Variants in IFT43 observed in about 807,000 individuals in gnomAD.
IFT43 encodes the protein intraflagellar transport 43.
Under a neutral mutation model 32.3 loss-of-function variants are expected in IFT43, and 33 were observed. The ratio of observed to expected loss-of-function variants is 1.02; its 90% CI spans 0.77 to 1.37. The LOEUF (loss-of-function observed/expected upper bound fraction) is 1.37, where lower values mean the gene tolerates loss of function less well. IFT43 is among the 40% of genes most tolerant of loss of function. The pLI, the probability that IFT43 is intolerant of heterozygous loss-of-function variation, is 0.00. For synonymous variants in IFT43, 93 were observed against 98.2 expected (o/e 0.95, Z 0.31); for missense variants, 274 against 265.9 (o/e 1.03, Z -0.21).
Position 76,064,127 on chromosome 14 carries a change from T to C in IFT43, c.295+4754T>C, listed in dbSNP as rs568923771. 2.0e-5 allele frequency among the ~76,000 whole-genome samples: 3 copies of C among 152,310 alleles called. No homozygotes were observed. The East Asian group carries it at 5.8e-4, about 29-fold the overall frequency. On this transcript the variant is annotated intron_variant, in intron 5 of 8. Transcript: ENST00000314067. ...CTCATCATTCTCCAGTCTTTTTCTTTGCTTTCCAGTATCTCTTCATGACAG... is the reference window on the plus strand; with the variant it reads ...CTCATCATTCTCCAGTCTTTTTCTTCGCTTTCCAGTATCTCTTCATGACAG...
At chr14:76,002,959 G>C (rs1356382604) in intron 2 of IFT43, among the ~76,000 whole-genome samples, 1 of 152,238 alleles carries the variant, frequency 6.6e-6, no homozygotes, top group East Asian at 1.9e-4. Context: ...AATCTGCTTA[G>C]AAACCGTAAG....
intron 1 of IFT43, among the ~76,000 whole-genome samples, chr14:75,987,587 A>G (rs961405940): frequency 1.3e-5 from 2 of 152,204 alleles, no homozygotes; most frequent in African/African-American, 4.8e-5. Context: ...CAGCAGTCTC[A>G]GTTTCTGTCC....
intron 5 of IFT43, among the ~76,000 whole-genome samples, chr14:76,069,335 A>C (rs748474044): frequency 1.1e-4 from 16 of 152,164 alleles, no homozygotes; most frequent in Non-Finnish European, 1.2e-4. Flanking sequence ...AATGACTTTT[A>C]AACTTCAACT....
At chr14:75,997,702 C>G (rs1158912003) in intron 2 of IFT43, among the ~76,000 whole-genome samples, 1 of 149,514 alleles carries the variant, frequency 6.7e-6, no homozygotes, top group Non-Finnish European at 1.5e-5. Flanking sequence ...AGAGACTTGT[C>G]AGGATCTAGG....
intron 3 of IFT43, among the ~76,000 whole-genome samples, chr14:76,057,115 A>T (rs1314291190): frequency 6.6e-6 from 1 of 151,892 alleles, no homozygotes; most frequent in African/African-American, 2.4e-5. Context: ...CTCCCACCTC[A>T]CTTCAGCCGT....
intron 2 of IFT43, among the ~76,000 whole-genome samples, chr14:75,990,457 G>C (rs996120654): frequency 6.6e-6 from 1 of 152,168 alleles, no homozygotes; most frequent in African/African-American, 2.4e-5. Context: ...TAAGATATGA[G>C]CATCTGGAAG....
At chr14:76,030,403 A>T (rs995390158) in intron 3 of IFT43, among the ~76,000 whole-genome samples, 1 of 152,126 alleles carries the variant, frequency 6.6e-6, no homozygotes, top group Non-Finnish European at 1.5e-5. Flanking sequence ...TTCCATGTTT[A>T]GTCCAGGAGT....
chr14:76,020,994 A>G (rs1316114540), intron 2 of IFT43, among the ~76,000 whole-genome samples: 1 of 152,150 alleles, frequency 6.6e-6, no homozygotes, highest in East Asian at 1.9e-4. Context: ...CAGGCAGGGT[A>G]GGCCTATTCC....
intron 3 of IFT43, among the ~76,000 whole-genome samples, chr14:76,024,327 C>T (rs914343418): frequency 3.3e-5 from 5 of 152,220 alleles, no homozygotes; most frequent in Non-Finnish European, 7.3e-5. Context: ...CATGCTTAAA[C>T]TGGCAGAATT....
chr14:76,078,720 G>A (rs1042069274), intron 5 of IFT43, among the ~76,000 whole-genome samples: 4 of 152,240 alleles, frequency 2.6e-5, no homozygotes, highest in Non-Finnish European at 4.4e-5. Flanking sequence ...CAGTGCGGCC[G>A]TGTGACGGTG....
intron 5 of IFT43, among the ~76,000 whole-genome samples, chr14:76,067,395 G>T (rs1219305354): frequency 2.6e-5 from 4 of 151,936 alleles, no homozygotes; most frequent in African/African-American, 7.3e-5. Flanking sequence ...GTGAAATCTT[G>T]TCTCTACTAA....
chr14:76,051,510 C>T (rs2036913159), intron 3 of IFT43, among the ~76,000 whole-genome samples: 1 of 152,040 alleles, frequency 6.6e-6, no homozygotes, highest in South Asian at 2.1e-4. Context: ...ACTGCAAAGG[C>T]TCATTTGGCG....
chr14:76,002,848 T>G (rs1276407154), intron 2 of IFT43, among the ~76,000 whole-genome samples: 2 of 152,202 alleles, frequency 1.3e-5, no homozygotes, highest in African/African-American at 4.8e-5. Flanking sequence ...ATGAGCAGAC[T>G]CTACTTGAAA....
intron 5 of IFT43, among the ~76,000 whole-genome samples, chr14:76,077,727 T>TC (rs1566737932): frequency 6.6e-6 from 1 of 152,104 alleles, no homozygotes; most frequent in Admixed American, 6.6e-5. Context: ...CCTCTGGATT[T>TC]CCCCCCATCA....
intron 5 of IFT43, among the ~76,000 whole-genome samples, chr14:76,067,821 C>A (rs2037252409): frequency 6.6e-6 from 1 of 152,152 alleles, no homozygotes; most frequent in Non-Finnish European, 1.5e-5. Flanking sequence ...CTGTGGTGAA[C>A]CCAGAGAGGA....
At chr14:76,047,572 A>G (rs1174426962) in intron 3 of IFT43, among the ~76,000 whole-genome samples, 1 of 152,174 alleles carries the variant, frequency 6.6e-6, no homozygotes, top group African/African-American at 2.4e-5. Flanking sequence ...AGAAAAAGAG[A>G]AACAGAACAA....
At chr14:76,056,400 G>A (rs2037016306) in intron 3 of IFT43, among the ~76,000 whole-genome samples, 1 of 152,222 alleles carries the variant, frequency 6.6e-6, no homozygotes, top group Admixed American at 6.5e-5. Context: ...GGGCTCAGCA[G>A]CAATTAAGCT....
At position 76,076,591 on chromosome 14, in the gene IFT43, T is replaced by A. The variant is rs762726407; in HGVS notation, c.296-5704T>A. On this transcript the variant is annotated intron_variant, in intron 5 of 8. Transcript: ENST00000314067. ...GTCCAATCTAAGAAGTCACTTTCTGTTCTAGCGGTACCCAAACAGGCAAAC... is the reference window on the plus strand; with the variant it reads ...GTCCAATCTAAGAAGTCACTTTCTGATCTAGCGGTACCCAAACAGGCAAAC... 7 of 1,614,070 alleles carry A rather than the reference T, an allele frequency of 4.3e-6. 1 individual carries two copies. The South Asian group carries it at 7.7e-5, about 18-fold the overall frequency.
At chr14:76,029,331 G>GT (rs1290903937) in intron 3 of IFT43, among the ~76,000 whole-genome samples, 5 of 151,998 alleles carry the variant, frequency 3.3e-5, no homozygotes, top group Non-Finnish European at 7.4e-5. Flanking sequence ...TTGTTGATTT[G>GT]TTTAACTTCC....
Sources: gnomAD v4.1 joint callset for allele counts (sites outside exome capture counted in the v4.1 genomes callset) on GRCh38, gnomAD v4.1.1 for gene constraint, MANE v1.5 for transcripts, NCBI Gene and HGNC (gene_info 2026-07-23, HGNC 2026-07-21) for gene names.